ZCCHC14: variants seen among roughly 807,000 people sequenced by gnomAD.
ZCCHC14 encodes the protein zinc finger CCHC-type containing 14, also known as zinc finger CCHC domain-containing protein 14.
ZCCHC14 carries 16 observed loss-of-function variants against 85.0 expected under a neutral mutation model. That is an observed-to-expected ratio of 0.19 (90% CI 0.13 to 0.29). The LOEUF is 0.29. Ranked by LOEUF, ZCCHC14 falls within the 10% of genes least tolerant of loss-of-function variation. ZCCHC14 has a pLI of 1.00. For synonymous variants in ZCCHC14, 775 were observed against 630.7 expected, an observed-to-expected ratio of 1.23 and a Z score of -3.43; for missense variants, 1,303 against 1,443.5, an observed-to-expected ratio of 0.90 and a Z score of 1.58.
intron 4 of ZCCHC14, among the ~76,000 whole-genome samples, chr16:87,422,905 C>CG (rs113340588): frequency 0.045 from 6,751 of 149,812 alleles, 225 homozygotes; most frequent in Admixed American, 0.094. Context: ...AGCAGATTCC[C>CG]GGGGGGGGGT....
Position 87,491,603 on chromosome 16 carries a change from G to T in ZCCHC14, c.570+66C>A. The T allele has an allele frequency of 4.5e-6, 6 of 1,326,352 alleles. No individual in the cohort carries two copies. The highest frequency in any genetic ancestry group is 5.8e-6 in the Non-Finnish European group (6 of 1,036,034). 82.2% of individuals were successfully genotyped at this position (1,326,352 alleles called of 1,614,324 possible). ...TCGGGGGGTCGCGGTGCAGGCTGGA[G>T]GCTTGGAGTGCAGAGTTGGGGATGC... is the stretch of plus-strand genomic sequence containing the variant. On this transcript the variant is annotated intron_variant, in intron 1 of 12. Coordinates refer to ENST00000671377, the MANE Select transcript of ZCCHC14 (RefSeq NM_015144.3). The surrounding 1 kb of genome is among the most constrained non-coding windows in gnomAD (Gnocchi z 5.9).
chr16:87,466,231 G>T (rs1911514207), intron 1 of ZCCHC14, among the ~76,000 whole-genome samples: 1 of 152,168 alleles, frequency 6.6e-6, no homozygotes, highest in African/African-American at 2.4e-5. Flanking sequence ...CCACTTTAAT[G>T]TTCACGGACC....
At chr16:87,431,164 T>C (rs1203779670) in intron 3 of ZCCHC14, among the ~76,000 whole-genome samples, 1 of 129,342 alleles carries the variant, frequency 7.7e-6, no homozygotes, top group African/African-American at 2.9e-5. Context: ...AGAAAAGAAA[T>C]GAGAAAGGAA....
At chr16:87,440,751 C>A (rs1170999163) in intron 2 of ZCCHC14, among the ~76,000 whole-genome samples, 6 of 152,048 alleles carry the variant, frequency 3.9e-5, no homozygotes, top group Non-Finnish European at 8.8e-5. Context: ...GCTCTACAGG[C>A]ATGCATCACC....
At chr16:87,424,980 C>G (rs915974058) in intron 3 of ZCCHC14, among the ~76,000 whole-genome samples, 16 of 152,080 alleles carry the variant, frequency 1.1e-4, no homozygotes, top group South Asian at 6.2e-4. Flanking sequence ...TCACAGGCAC[C>G]CAAACCACCT....
intron 1 of ZCCHC14, among the ~76,000 whole-genome samples, chr16:87,465,587 T>C (rs1278976928): frequency 6.6e-6 from 1 of 152,188 alleles, no homozygotes; most frequent in Non-Finnish European, 1.5e-5. Context: ...CTCTGGCTCT[T>C]ATGCAATCAC....
At chr16:87,479,444 T>C (rs959258069) in intron 1 of ZCCHC14, among the ~76,000 whole-genome samples, 3 of 149,986 alleles carry the variant, frequency 2.0e-5, no homozygotes, top group African/African-American at 7.4e-5. Flanking sequence ...AACCTAAGGA[T>C]ATAATTTCTT....
chr16:87,471,630 C>T (rs1911777482), intron 1 of ZCCHC14: 1 of 152,456 alleles, frequency 6.6e-6, no homozygotes, highest in East Asian at 1.9e-4. Context: ...CAAGACATCC[C>T]ACCAGGGGCC....
At chr16:87,471,096 AC>A (rs1359414935) in intron 1 of ZCCHC14, 1 of 152,142 alleles carries the variant, frequency 6.6e-6, no homozygotes, top group Non-Finnish European at 1.5e-5. Context: ...CAAAGTGTCT[AC>A]CCCCACAAAC....
At chr16:87,463,483 G>A (rs1911370653) in intron 1 of ZCCHC14, among the ~76,000 whole-genome samples, 1 of 152,200 alleles carries the variant, frequency 6.6e-6, no homozygotes, top group African/African-American at 2.4e-5. Flanking sequence ...CTAAGTCCTG[G>A]TTCTAAGAAG....
intron 3 of ZCCHC14, among the ~76,000 whole-genome samples, chr16:87,426,782 C>A (rs1909393553): frequency 6.6e-6 from 1 of 152,172 alleles, no homozygotes; most frequent in African/African-American, 2.4e-5. Context: ...AACACAGCAG[C>A]CAAGGGAAAG....
intron 2 of ZCCHC14, among the ~76,000 whole-genome samples, chr16:87,445,729 G>A (rs1463784729): frequency 6.6e-6 from 1 of 152,098 alleles, no homozygotes; most frequent in South Asian, 2.1e-4. Flanking sequence ...CTGACCATCT[G>A]GCCAAGAACT....
chr16:87,435,378 G>A (rs148809495), intron 2 of ZCCHC14, among the ~76,000 whole-genome samples: 4,547 of 152,320 alleles, frequency 0.03, 103 homozygotes, highest in Non-Finnish European at 0.047. Flanking sequence ...CCCAGACAGC[G>A]CTGTCTAAAC....
chr16:87,471,578 C>T (rs763602898), intron 1 of ZCCHC14: 3 of 152,312 alleles, frequency 2.0e-5, no homozygotes, highest in Admixed American at 1.3e-4. Flanking sequence ...GGAACACCGG[C>T]CCCAACTGCC....
At chr16:87,431,181 A>G (rs1597412893) in intron 3 of ZCCHC14, among the ~76,000 whole-genome samples, 1 of 149,472 alleles carries the variant, frequency 6.7e-6, no homozygotes, top group African/African-American at 2.5e-5. Context: ...GGAAAGGAAA[A>G]GAAAAGAAAA....
chr16:87,426,960 A>C (rs1457446395), intron 3 of ZCCHC14, among the ~76,000 whole-genome samples: 1 of 152,378 alleles, frequency 6.6e-6, no homozygotes, highest in South Asian at 2.1e-4. Context: ...AAAGGCAGGA[A>C]GACGAGGCAG....
At chr16:87,411,189 G>A (rs1426572823) in intron 12 of ZCCHC14, among the ~76,000 whole-genome samples, 2 of 152,226 alleles carry the variant, frequency 1.3e-5, no homozygotes, top group African/African-American at 4.8e-5. Context: ...GAGGGCCCCA[G>A]TGTTAAGCCA....
At position 87,457,463 on chromosome 16, in the gene ZCCHC14, G is replaced by C. The variant is rs117944057; in HGVS notation, c.694+2545C>G. Among the ~76,000 whole-genome samples the C allele has an allele frequency of 6.0e-3, 919 of 152,336 alleles. 10 individuals carry two copies. The highest frequency in any genetic ancestry group is 9.5e-3 in the Non-Finnish European group (649 of 68,030). On this transcript the variant is annotated intron_variant, in intron 2 of 12. Transcript: ENST00000671377. ...AAAAATCACCACATGGGATCAGTTA[G>C]AATTAAATAGGTATAATCAGCCCTC...
At chr16:87,453,834 C>T (rs930161573) in intron 2 of ZCCHC14, among the ~76,000 whole-genome samples, 50 of 152,178 alleles carry the variant, frequency 3.3e-4, no homozygotes, top group African/African-American at 1.1e-3. Context: ...TGGACACCAG[C>T]CCTAAGTGAC....
Sources: gnomAD v4.1 joint callset for allele counts (sites outside exome capture counted in the v4.1 genomes callset) on GRCh38, gnomAD v4.1.1 for gene constraint, Gnocchi (gnomAD v3.1) non-coding constraint, MANE v1.5 for transcripts, NCBI Gene and HGNC (gene_info 2026-07-23, HGNC 2026-07-21) for gene names.